Variants in CCDC81 observed in about 807,000 individuals in gnomAD.
CCDC81 encodes the protein coiled-coil domain-containing protein 81.
In CCDC81, 79 loss-of-function variants were observed where a neutral mutation model predicts 83.7. The observed-to-expected ratio is 0.94, with a 90% CI of 0.79 to 1.14. The LOEUF is 1.14. Among genes scored for constraint, CCDC81 ranks in the 50% most tolerant of loss-of-function variants. CCDC81 has a pLI of 0.00. For synonymous variants in CCDC81, 252 were observed against 278.1 expected, an observed-to-expected ratio of 0.91 and a Z score of 0.93; for missense variants, 791 against 778.1, an observed-to-expected ratio of 1.02 and a Z score of -0.20.
intron 4 of CCDC81, chr11:86,394,997 T>A (rs1045038770): frequency 1.2e-5 from 2 of 173,044 alleles, no homozygotes; most frequent in African/African-American, 4.8e-5. Context: ...AAGAGTGGAA[T>A]TAGACAGCTT....
At chr11:86,401,445 A>G (rs550961297) in intron 7 of CCDC81, among the ~76,000 whole-genome samples, 2 of 152,306 alleles carry the variant, frequency 1.3e-5, no homozygotes, top group South Asian at 2.1e-4. Context: ...TAATGTGTCA[A>G]AATTTATCAG....
intron 7 of CCDC81, among the ~76,000 whole-genome samples, chr11:86,405,143 T>C (rs557813999): frequency 1.3e-5 from 2 of 152,322 alleles, no homozygotes; most frequent in East Asian, 1.9e-4. Context: ...TTCACCATGA[T>C]GGTATATTTT....
At chr11:86,415,998 G>A (rs1411910726) in intron 13 of CCDC81, among the ~76,000 whole-genome samples, 2 of 152,136 alleles carry the variant, frequency 1.3e-5, no homozygotes, top group South Asian at 2.1e-4. Context: ...AATTTTGGCT[G>A]TTCTAACAGG....
chr11:86,381,074 G>A (rs1343183671), intron 1 of CCDC81, among the ~76,000 whole-genome samples: 1 of 152,152 alleles, frequency 6.6e-6, no homozygotes, highest in Admixed American at 6.6e-5. Context: ...AGAGTGTGGG[G>A]GGTGGGAAAG....
intron 11 of CCDC81, among the ~76,000 whole-genome samples, chr11:86,413,672 T>A (rs1948676356): frequency 6.6e-6 from 1 of 152,320 alleles, no homozygotes; most frequent in South Asian, 2.1e-4. Context: ...TACCAGTAGA[T>A]GAAGAAAGGG....
chr11:86,385,186 G>C (rs1251142604), intron 1 of CCDC81, among the ~76,000 whole-genome samples: 1 of 152,162 alleles, frequency 6.6e-6, no homozygotes, highest in Non-Finnish European at 1.5e-5. Context: ...TCAGGAGTTG[G>C]AGACCAGCCT....
In CCDC81 at chr11:86,395,406, T is replaced by C. The variant is rs756302629; in HGVS notation, c.628T>C (p.Phe210Leu). The C allele has an allele frequency of 1.5e-5, 24 of 1,613,826 alleles. No homozygotes were observed. In the Middle Eastern group the frequency reaches 1.3e-3, roughly 88 times the overall value. The stretch of plus-strand genomic sequence containing the variant: ...GAAGTGGCCCAGCAGTGTGCTTGCG[T>C]TTCCAAGGTGAGTGCTTTGCTTCAC... ...LRKWPSSVLA[F>L]PRIELKEMEN... Residue 210 changes from phenylalanine to leucine, a missense_variant, in exon 5 of 15, where the codon TTT (phenylalanine) becomes CTT (leucine). By Grantham distance (22) the Phe-to-Leu change is conservative. Coordinates refer to ENST00000445632, the MANE Select transcript of CCDC81 (RefSeq NM_001156474.2).
At chr11:86,406,832 A>T (rs1205293577) in intron 7 of CCDC81, among the ~76,000 whole-genome samples, 2 of 152,170 alleles carry the variant, frequency 1.3e-5, no homozygotes, top group African/African-American at 2.4e-5. Flanking sequence ...AAATAAAATT[A>T]AAAAATAAAT....
intron 1 of CCDC81, 67 bp from the exon 2 acceptor site, chr11:86,385,984 G>T: frequency 2.7e-6 from 2 of 741,328 alleles, no homozygotes; most frequent in East Asian, 2.8e-5. Flanking sequence ...TTATTTATTA[G>T]CACTAAGATA....
rs778914711 is a variant in CCDC81 at position 86,386,053 on chromosome 11, GTC to G, written c.86_87del (p.Ser29TyrfsTer36). On this transcript the variant is annotated frameshift_variant, in exon 2 of 15. Coordinates refer to ENST00000445632, the MANE Select transcript of CCDC81 (RefSeq NM_001156474.2). LOFTEE classifies it high-confidence loss of function. The stretch of plus-strand genomic sequence containing the variant: ...TTCTGGTTACTTTTGAATTTCAGAA[GTC>G]TCTATTATCTGGGGGAATGTATCAG... ...PTLPSLSQEE[V>X]SIIWGNVSEF... 16 of 1,521,200 alleles carry G rather than the reference GTC, an allele frequency of 1.1e-5. No individual in the cohort carries two copies. The highest frequency in any genetic ancestry group is 1.8e-4 in the Middle Eastern group (1 of 5,652). 94.2% of individuals were successfully genotyped at this position (1,521,200 alleles called of 1,614,324 possible). A position where few individuals can be genotyped will look rare whatever the true frequency, so the allele number is the denominator to read the frequency against.
intron 1 of CCDC81, among the ~76,000 whole-genome samples, chr11:86,384,055 T>G (rs1215866326): frequency 6.6e-6 from 1 of 152,232 alleles, no homozygotes; most frequent in African/African-American, 2.4e-5. Flanking sequence ...CACTTTCTCC[T>G]GGCTCTAATG....
At chr11:86,416,225 T>C (rs1948718119) in intron 13 of CCDC81, among the ~76,000 whole-genome samples, 1 of 152,248 alleles carries the variant, frequency 6.6e-6, no homozygotes, top group East Asian at 1.9e-4. Flanking sequence ...CTGATATATT[T>C]GTAAAGCCTA....
intron 7 of CCDC81, among the ~76,000 whole-genome samples, chr11:86,406,262 T>A (rs935561832): frequency 2.0e-5 from 3 of 152,224 alleles, no homozygotes; most frequent in Non-Finnish European, 4.4e-5. Flanking sequence ...CTCCATTTTC[T>A]CCTGACAGTT....
chr11:86,405,139 AT>A (rs1319138228), intron 7 of CCDC81, among the ~76,000 whole-genome samples: 1 of 152,218 alleles, frequency 6.6e-6, no homozygotes, highest in African/African-American at 2.4e-5. Flanking sequence ...ATCTTTCACC[AT>A]GATGGTATAT....
rs1263671750 is a variant in CCDC81 at position 86,419,933 on chromosome 11, T to C, written c.1697T>C (p.Leu566Ser). ...GGCTGTTCTTTTCTCTCCAGGCACT[T>C]GGCAGACAGAACCGCTGAGCTGGAG... ...QMLQRTQREH[L>S]ADRTAELERV... Residue 566 changes from leucine to serine, a missense_variant, in exon 14 of 15, where the codon TTG (leucine) becomes TCG (serine). By Grantham distance (145) the Leu-to-Ser change is moderately radical (BLOSUM62 -2). Transcript: ENST00000445632. 6.2e-7 allele frequency: 1 copy of C among 1,612,164 alleles called. No homozygotes were observed. Among genetic ancestry groups the C allele is most frequent in the Admixed American group, 1.7e-5 (1 of 59,612 alleles).
intron 1 of CCDC81, among the ~76,000 whole-genome samples, chr11:86,375,730 C>T (rs1386844362): frequency 1.3e-5 from 2 of 152,144 alleles, no homozygotes; most frequent in African/African-American, 4.8e-5. Context: ...CTGGCACCTT[C>T]TCAGAGAAAA....
chr11:86,413,833 A>G (rs1190216334), intron 11 of CCDC81, among the ~76,000 whole-genome samples: 4 of 152,200 alleles, frequency 2.6e-5, no homozygotes, highest in Non-Finnish European at 5.9e-5. Flanking sequence ...CAGAGACTAA[A>G]AATCCATGTA....
chr11:86,413,304 G>A (rs940545008), intron 11 of CCDC81, among the ~76,000 whole-genome samples: 2 of 152,114 alleles, frequency 1.3e-5, no homozygotes, highest in African/African-American at 4.8e-5. Flanking sequence ...GGGTCTTGGG[G>A]GATTTTTATA....
At chr11:86,385,991 G>T in intron 1 of CCDC81, 60 bp from the exon 2 acceptor site, 1 of 804,086 alleles carries the variant, frequency 1.2e-6, no homozygotes, top group Non-Finnish European at 2.1e-6. Flanking sequence ...TTAGCACTAA[G>T]ATACTGTCAC....
Sources: allele counts gnomAD v4.1 joint callset (sites outside exome capture counted in the v4.1 genomes callset), GRCh38; gene constraint gnomAD v4.1.1; transcripts MANE v1.5; gene names NCBI Gene and HGNC (gene_info 2026-07-23, HGNC 2026-07-21).